The following CSMD1 variants were observed in gnomAD, a reference collection of about 807,000 sequenced individuals.
The protein encoded by CSMD1 is CUB and Sushi multiple domains 1, also known as CUB and sushi domain-containing protein 1.
A neutral mutation model predicts 417.5 loss-of-function variants in CSMD1; 213 were observed. The observed-to-expected ratio is 0.51, with a 90% CI of 0.46 to 0.57. CSMD1 has a LOEUF of 0.57. CSMD1 is among the 20% of genes least tolerant of loss of function. The probability of loss-of-function intolerance (pLI) is 0.00; values close to 1 mark genes in which losing one functional copy is unlikely to be tolerated. For synonymous variants in CSMD1, 2,862 were observed against 1,736.8 expected, an observed-to-expected ratio of 1.65 and a Z score of -16.11; for missense variants, 6,923 against 4,529.7, an observed-to-expected ratio of 1.53 and a Z score of -15.17.
At chr8:4,457,446 G>A (rs540101651) in intron 2 of CSMD1, among the ~76,000 whole-genome samples, 6 of 152,064 alleles carry the variant, frequency 3.9e-5, no homozygotes, top group South Asian at 2.1e-4. Flanking sequence ...CAAACATAAT[G>A]CATTGAAAAG....
At chr8:4,450,582 G>A (rs1433359122) in intron 2 of CSMD1, among the ~76,000 whole-genome samples, 1 of 152,078 alleles carries the variant, frequency 6.6e-6, no homozygotes, top group Non-Finnish European at 1.5e-5. Flanking sequence ...TTGCAGCCCA[G>A]ATCGCACCAC....
At chr8:3,693,326 T>A (rs1218362258) in intron 7 of CSMD1, among the ~76,000 whole-genome samples, 2 of 152,342 alleles carry the variant, frequency 1.3e-5, no homozygotes, top group East Asian at 3.9e-4. Flanking sequence ...TATGATAATT[T>A]TTTTTTCAAT....
chr8:3,056,801 T>A (rs1812259723), intron 49 of CSMD1, among the ~76,000 whole-genome samples: 1 of 151,990 alleles, frequency 6.6e-6, no homozygotes, highest in Admixed American at 6.6e-5. Flanking sequence ...TTTTCAAGTA[T>A]TTCCAAAGTA....
At chr8:4,852,906 G>A (rs2407668) in intron 1 of CSMD1, among the ~76,000 whole-genome samples, 43,651 of 152,028 alleles carry the variant, frequency 0.29, 6,694 homozygotes, top group Non-Finnish European at 0.35. Flanking sequence ...GGAAGGTTGA[G>A]CTTAAGAATG....
At chr8:4,455,929 CAAAAAAAAAAAAAAAAAAAAA>C (rs71207091) in intron 2 of CSMD1, among the ~76,000 whole-genome samples, 9 of 11,652 alleles carry the variant, frequency 7.7e-4, no homozygotes, top group Admixed American at 6.9e-3. Context: ...ACTCCAACTC[CAAAAAAAAAAAAAAAAAAAAA>C]AAAAAAAAAA....
chr8:4,469,644 G>A (rs1300797374), intron 2 of CSMD1, among the ~76,000 whole-genome samples: 1 of 152,048 alleles, frequency 6.6e-6, no homozygotes, highest in African/African-American at 2.4e-5. Context: ...AGAGGCCAGT[G>A]TCTCCCCACC....
At chr8:3,395,198 T>A (rs1446502362) in intron 17 of CSMD1, among the ~76,000 whole-genome samples, 1 of 152,202 alleles carries the variant, frequency 6.6e-6, no homozygotes, top group East Asian at 1.9e-4. Flanking sequence ...TATGTAAATT[T>A]TAAAAACATC....
intron 1 of CSMD1, among the ~76,000 whole-genome samples, chr8:4,867,349 C>A (rs1333226000): frequency 6.6e-6 from 1 of 151,998 alleles, no homozygotes; most frequent in Non-Finnish European, 1.5e-5. Flanking sequence ...CGATTAATTT[C>A]TTTCCTCTTT....
At chr8:4,144,574 G>C (rs1040434303) in intron 3 of CSMD1, among the ~76,000 whole-genome samples, 1 of 150,934 alleles carries the variant, frequency 6.6e-6, no homozygotes, top group Non-Finnish European at 1.5e-5. Flanking sequence ...TATCTGGATT[G>C]CTCAGCTACT....
At chr8:4,484,814 CA>C (rs558253893) in intron 2 of CSMD1, among the ~76,000 whole-genome samples, 2 of 149,834 alleles carry the variant, frequency 1.3e-5, no homozygotes, top group South Asian at 2.1e-4. Flanking sequence ...CTAAAAAATA[CA>C]AAAAAAAATT....
chr8:4,211,076 A>G (rs980020726), intron 3 of CSMD1, among the ~76,000 whole-genome samples: 4 of 152,202 alleles, frequency 2.6e-5, no homozygotes, highest in African/African-American at 4.8e-5. Flanking sequence ...TCATGTTCAC[A>G]TATCATTGTA....
intron 1 of CSMD1, among the ~76,000 whole-genome samples, chr8:4,898,174 T>C (rs967317505): frequency 1.3e-5 from 2 of 152,120 alleles, no homozygotes; most frequent in Non-Finnish European, 2.9e-5. Context: ...GAGGGAGGAA[T>C]GCCCAGCGTG....
intron 5 of CSMD1, among the ~76,000 whole-genome samples, chr8:3,902,439 T>C (rs1220385782): frequency 6.6e-6 from 1 of 151,754 alleles, no homozygotes; most frequent in Non-Finnish European, 1.5e-5. Flanking sequence ...CAGGGACCAA[T>C]TTCATGAAAG....
chr8:4,303,985 G>C (rs1447745397), intron 3 of CSMD1, among the ~76,000 whole-genome samples: 2 of 152,088 alleles, frequency 1.3e-5, no homozygotes, highest in East Asian at 3.9e-4. Flanking sequence ...CTCCTGCCTA[G>C]AACCTGAACA....
intron 23 of CSMD1, among the ~76,000 whole-genome samples, chr8:3,328,089 G>A (rs1266387663): frequency 6.6e-6 from 1 of 152,094 alleles, no homozygotes; most frequent in Non-Finnish European, 1.5e-5. Context: ...TCACAATGAG[G>A]GCATCCTGCT....
intron 1 of CSMD1, among the ~76,000 whole-genome samples, chr8:4,914,871 G>C (rs1020504996): frequency 7.2e-5 from 11 of 152,178 alleles, no homozygotes; most frequent in Admixed American, 2.6e-4. Context: ...TTCACCTCCT[G>C]AACTCACAAG....
Position 4,888,504 on chromosome 8 carries a change from T to TGA in CSMD1, c.85+105826_85+105827dup, listed in dbSNP as rs147909163. On this transcript the variant is annotated intron_variant, in intron 1 of 69. Coordinates refer to ENST00000635120, the MANE Select transcript of CSMD1 (RefSeq NM_033225.6). ...ACATACAGAAGGATAGACTGATAGATGAGAGAGAGAGAGAGAGAGAGAGAG... is the reference window on the plus strand; with the variant it reads ...ACATACAGAAGGATAGACTGATAGATGAGAGAGAGAGAGAGAGAGAGAGAGAG... Among the ~76,000 whole-genome samples the TGA allele has an allele frequency of 7.2e-3, 1,045 of 145,238 alleles. 9 individuals carry two copies. Among genetic ancestry groups the TGA allele is most frequent in the African/African-American group, 0.012 (479 of 39,566 alleles).
At chr8:4,044,043 T>TA (rs1385451235) in intron 3 of CSMD1, among the ~76,000 whole-genome samples, 2 of 152,094 alleles carry the variant, frequency 1.3e-5, no homozygotes, top group Non-Finnish European at 2.9e-5. Context: ...AAACGCTGAA[T>TA]AATTAGGAGA....
intron 1 of CSMD1, among the ~76,000 whole-genome samples, chr8:4,990,121 C>T (rs2117474116): frequency 6.6e-6 from 1 of 152,286 alleles, no homozygotes; most frequent in East Asian, 1.9e-4. Context: ...TTGCCATTTG[C>T]TTCTCTGGAC....
Sources: allele counts gnomAD v4.1 joint callset (sites outside exome capture counted in the v4.1 genomes callset), GRCh38; gene constraint gnomAD v4.1.1; transcripts MANE v1.5; gene names NCBI Gene and HGNC (gene_info 2026-07-23, HGNC 2026-07-21).